Variants in PPP2R2A observed in about 807,000 individuals in gnomAD.
The protein encoded by PPP2R2A is protein phosphatase 2 regulatory subunit Balpha, also known as serine/threonine-protein phosphatase 2A 55 kDa regulatory subunit B alpha isoform.
In PPP2R2A, 9 loss-of-function variants were observed where a neutral mutation model predicts 53.2. That is an observed-to-expected ratio of 0.17 (90% CI 0.10 to 0.30). PPP2R2A has a LOEUF of 0.30. PPP2R2A is among the 10% of genes least tolerant of loss of function. The probability of loss-of-function intolerance (pLI) is 1.00; values close to 1 mark genes in which losing one functional copy is unlikely to be tolerated. For missense variants in PPP2R2A, 235 were observed against 534.6 expected (o/e 0.44, Z 5.53); for synonymous variants, 169 against 174.2 (o/e 0.97, Z 0.23).
chr8:26,355,023 C>G (rs1025092624), intron 4 of PPP2R2A, among the ~76,000 whole-genome samples: 1 of 152,140 alleles, frequency 6.6e-6, no homozygotes, highest in Non-Finnish European at 1.5e-5. Flanking sequence ...TAAATAACTT[C>G]ACATACATCA....
chr8:26,361,079 T>A lies in PPP2R2A; in HGVS notation c.565T>A (p.Tyr189Asn). Residue 189 changes from tyrosine (Y) to asparagine (N), a missense_variant, in exon 6 of 10, where the codon TAT becomes AAT. Transcript: ENST00000380737. ...CAACTCAATTTCTATTAATAGTGAT[T>A]ATGAAACATATTTATCTGCAGATGA... ...HINSISINSD[Y>N]ETYLSADDLR... is the part of the protein sequence containing the mutation. 6.2e-7 allele frequency: 1 copy of A among 1,603,600 alleles called. No individual in the cohort carries two copies. The highest frequency in any genetic ancestry group is 8.5e-7 in the Non-Finnish European group (1 of 1,177,798).
In PPP2R2A at chr8:26,321,051, C is replaced by T. The variant is rs1452465144; in HGVS notation, c.83-17839C>T. Among the ~76,000 whole-genome samples the T allele has an allele frequency of 6.6e-6, 1 of 152,124 alleles. No homozygotes were observed. The highest frequency in any genetic ancestry group is 1.5e-5 in the Non-Finnish European group (1 of 68,032). Reference sequence around the variant, plus strand: ...AGCATAATAAGGAGAATTCAGTATCCTTGGAAACCCTGGAACGGTGCCATA... The same window carrying T: ...AGCATAATAAGGAGAATTCAGTATCTTTGGAAACCCTGGAACGGTGCCATA... On this transcript the variant is annotated intron_variant, in intron 2 of 9. Coordinates refer to ENST00000380737, the MANE Select transcript of PPP2R2A (RefSeq NM_002717.4). This position sits in a 1 kb window ranked among gnomAD's most constrained non-coding sequence, Gnocchi z 4.1.
intron 9 of PPP2R2A, among the ~76,000 whole-genome samples, chr8:26,367,500 T>G (rs756768131): frequency 6.6e-5 from 10 of 152,222 alleles, no homozygotes; most frequent in Admixed American, 2.6e-4. Context: ...TAGAGAAAAT[T>G]TGTTAGAATA....
intron 3 of PPP2R2A, chr8:26,350,821 C>G (rs1804462117): frequency 6.6e-6 from 1 of 152,140 alleles, no homozygotes; most frequent in African/African-American, 2.4e-5. Flanking sequence ...TGTAGACTTT[C>G]TTTACACTTT....
intron 2 of PPP2R2A, among the ~76,000 whole-genome samples, chr8:26,327,673 C>T (rs1397594688): frequency 6.6e-6 from 1 of 151,856 alleles, no homozygotes; most frequent in African/African-American, 2.4e-5. Context: ...GCTAAGCTAC[C>T]TTTCAGCAAG....
intron 2 of PPP2R2A, among the ~76,000 whole-genome samples, chr8:26,296,314 A>G (rs979003436): frequency 6.6e-6 from 1 of 152,208 alleles, no homozygotes; most frequent in Non-Finnish European, 1.5e-5. Context: ...CCTTTGCCCA[A>G]TATGGCCTCT....
chr8:26,348,617 T>C (rs1476003755), intron 3 of PPP2R2A, among the ~76,000 whole-genome samples: 1 of 152,250 alleles, frequency 6.6e-6, no homozygotes, highest in East Asian at 1.9e-4. Context: ...GAAACACTTC[T>C]GGTCCTAAGC....
intron 4 of PPP2R2A, among the ~76,000 whole-genome samples, chr8:26,359,533 T>A (rs1242327733): frequency 2.0e-5 from 3 of 152,204 alleles, no homozygotes; most frequent in East Asian, 3.8e-4. Context: ...ATTTTATATA[T>A]CCTTGATACC....
chr8:26,313,457 G>A (rs1280109279), intron 2 of PPP2R2A, among the ~76,000 whole-genome samples: 3 of 152,196 alleles, frequency 2.0e-5, no homozygotes, highest in Non-Finnish European at 4.4e-5. Context: ...AGCTTTCTTG[G>A]TGTTGTTACA....
At chr8:26,294,869 G>A (rs1470927237) in intron 2 of PPP2R2A, among the ~76,000 whole-genome samples, 1 of 152,120 alleles carries the variant, frequency 6.6e-6, no homozygotes, top group East Asian at 1.9e-4. Flanking sequence ...GCTCTCTCAC[G>A]TTCCTTTTCT....
intron 2 of PPP2R2A, among the ~76,000 whole-genome samples, chr8:26,334,448 A>G (rs1303264490): frequency 1.3e-5 from 2 of 152,228 alleles, no homozygotes; most frequent in South Asian, 2.1e-4. Context: ...TGGGTTTGCA[A>G]TAAAAGTCAG....
intron 9 of PPP2R2A, 36 bp downstream of exon 9, chr8:26,366,442 T>A: frequency 6.9e-7 from 1 of 1,453,356 alleles, no homozygotes; most frequent in Non-Finnish European, 9.4e-7. Context: ...TGAATTTTAT[T>A]AAAGAAAAGA....
Position 26,291,998 on chromosome 8 carries a change from A to T in PPP2R2A, c.7+172A>T, listed in dbSNP as rs536311714. The T allele has an allele frequency of 9.8e-5, 94 of 963,934 alleles. 1 individual carries two copies. In the South Asian group the frequency reaches 2.0e-3, roughly 21 times the overall value. The allele number at this position is 963,934 out of a possible 1,614,324, so 59.7% of individuals were successfully genotyped here. ...GGGCGGGGAGGGCTCCCGGGAGGCAAGTGGTCACGGTGAGAGTCACTGGGC... is the reference window on the plus strand; with the variant it reads ...GGGCGGGGAGGGCTCCCGGGAGGCATGTGGTCACGGTGAGAGTCACTGGGC... On this transcript the variant is annotated intron_variant, in intron 1 of 9. Coordinates refer to ENST00000380737, the MANE Select transcript of PPP2R2A (RefSeq NM_002717.4).
intron 3 of PPP2R2A, among the ~76,000 whole-genome samples, chr8:26,346,116 G>GGTT (rs1317503388): frequency 7.7e-5 from 7 of 91,486 alleles, no homozygotes; most frequent in South Asian, 4.4e-4. Context: ...TTACCAGTCG[G>GGTT]GTTATTATTA....
At position 26,362,063 on chromosome 8, in the gene PPP2R2A, T is replaced by C. The variant is rs186529456; in HGVS notation, c.638-621T>C. On this transcript the variant is annotated intron_variant, in intron 6 of 9. Coordinates refer to ENST00000380737, the MANE Select transcript of PPP2R2A (RefSeq NM_002717.4). The surrounding 1 kb of genome is among the most constrained non-coding windows in gnomAD (Gnocchi z 4.4). ...ATCTTAAGATTAGATTAAGATTAAT[T>C]TTAAGATTAGAAAAAGATTAATAAT... Among the ~76,000 whole-genome samples the C allele has an allele frequency of 3.5e-4, 51 of 147,210 alleles. No homozygotes were observed. The highest frequency in any genetic ancestry group is 5.6e-4 in the African/African-American group (22 of 39,090).
chr8:26,326,067 G>A (rs1464083660), intron 2 of PPP2R2A, among the ~76,000 whole-genome samples: 1 of 152,172 alleles, frequency 6.6e-6, no homozygotes, highest in Admixed American at 6.5e-5. Context: ...GAACTTCTGA[G>A]CTCAAGTGAT....
intron 4 of PPP2R2A, among the ~76,000 whole-genome samples, chr8:26,359,674 A>G (rs1034821491): frequency 3.3e-5 from 5 of 152,100 alleles, no homozygotes; most frequent in Admixed American, 6.5e-5. Context: ...ATCCAGTCCT[A>G]TGGAGGCCTC....
chr8:26,330,530 A>G (rs570424900), intron 2 of PPP2R2A, among the ~76,000 whole-genome samples: 1 of 151,954 alleles, frequency 6.6e-6, no homozygotes, highest in Non-Finnish European at 1.5e-5. Flanking sequence ...AGGGTTTCAT[A>G]CGTTGGCCAG....
chr8:26,362,912 A>T lies in PPP2R2A; in HGVS notation c.802+64A>T. 3 of 1,483,204 alleles carry T rather than the reference A, an allele frequency of 2.0e-6. No individual in the cohort carries two copies. Among genetic ancestry groups the T allele is most frequent in the South Asian group, 2.3e-5 (2 of 85,754 alleles). 91.9% of individuals were successfully genotyped at this position (1,483,204 alleles called of 1,614,324 possible). A position where few individuals can be genotyped will look rare whatever the true frequency, so the allele number is the denominator to read the frequency against. On this transcript the variant is annotated intron_variant, in intron 7 of 9. Transcript: ENST00000380737. This position sits in a 1 kb window ranked among gnomAD's most constrained non-coding sequence, Gnocchi z 4.4. ...TCTGTTTGTCTGAAATAAGCCTCAG[A>T]CATGATAAGTACAATTACAGAGGTT... is the stretch of plus-strand genomic sequence containing the variant.
Sources: allele counts gnomAD v4.1 joint callset (sites outside exome capture counted in the v4.1 genomes callset), GRCh38; gene constraint gnomAD v4.1.1; non-coding constraint Gnocchi (gnomAD v3.1); transcripts MANE v1.5; gene names NCBI Gene and HGNC (gene_info 2026-07-23, HGNC 2026-07-21).